Variants in INSC observed in about 807,000 individuals in gnomAD.
INSC encodes INSC spindle orientation adaptor protein, also known as protein inscuteable homolog.
In INSC, 67 loss-of-function variants were observed where a neutral mutation model predicts 58.6. That is an observed-to-expected ratio of 1.14 (90% CI 0.94 to 1.40). INSC has a LOEUF of 1.40. Ranked by LOEUF, INSC falls within the 40% of genes most tolerant of loss-of-function variation. INSC has a pLI of 0.00. For missense variants in INSC, 714 were observed against 692.0 expected, an observed-to-expected ratio of 1.03 and a Z score of -0.36; for synonymous variants, 262 against 276.1, an observed-to-expected ratio of 0.95 and a Z score of 0.51.
intron 7 of INSC, among the ~76,000 whole-genome samples, chr11:15,208,939 A>T (rs1850916649): frequency 6.6e-6 from 1 of 152,056 alleles, no homozygotes. Flanking sequence ...GGGCGGAGTG[A>T]GTGGGGGAGT....
intron 2 of INSC, among the ~76,000 whole-genome samples, chr11:15,158,376 G>C (rs1428460857): frequency 6.6e-6 from 1 of 151,592 alleles, no homozygotes; most frequent in Non-Finnish European, 1.5e-5. Context: ...TTATAGTCTA[G>C]TGAAACTTCT....
chr11:15,186,598 T>C (rs1265687717), intron 5 of INSC, among the ~76,000 whole-genome samples: 1 of 152,174 alleles, frequency 6.6e-6, no homozygotes, highest in African/African-American at 2.4e-5. Context: ...TATTCCCACT[T>C]AGGAGGTATT....
chr11:15,181,207 G>A (rs913669846), intron 5 of INSC, among the ~76,000 whole-genome samples: 12 of 152,140 alleles, frequency 7.9e-5, no homozygotes, highest in South Asian at 2.1e-4. Flanking sequence ...TGTTTTGCTC[G>A]TGCATATATC....
chr11:15,269,568 GAA>G, the INSC span, among the ~76,000 whole-genome samples: 1 of 151,786 alleles, frequency 6.6e-6, no homozygotes, highest in Non-Finnish European at 1.5e-5. Context: ...GACTTACATG[GAA>G]ATTTCTTCAA....
intron 7 of INSC, among the ~76,000 whole-genome samples, chr11:15,219,001 G>A (rs1851332831): frequency 6.6e-6 from 1 of 152,168 alleles, no homozygotes; most frequent in South Asian, 2.1e-4. Flanking sequence ...AACAAGCTGT[G>A]GTCCCCAGGC....
chr11:15,167,187 G>A (rs559762619), intron 2 of INSC, among the ~76,000 whole-genome samples: 2 of 152,106 alleles, frequency 1.3e-5, no homozygotes, highest in Non-Finnish European at 2.9e-5. Flanking sequence ...AGCATTCTGG[G>A]AGAAGTCAGG....
chr11:15,227,207 T>G (rs1045629388), intron 9 of INSC, among the ~76,000 whole-genome samples: 3 of 152,246 alleles, frequency 2.0e-5, no homozygotes, highest in African/African-American at 4.8e-5. Context: ...GACTCTCATC[T>G]GCTGTCATCT....
chr11:15,255,727 A>AGTGTGT, the INSC span, among the ~76,000 whole-genome samples: 13 of 93,414 alleles, frequency 1.4e-4, no homozygotes, highest in East Asian at 3.2e-4. Context: ...TGTATATGTA[A>AGTGTGT]GTGTGTGTAT....
intron 2 of INSC, among the ~76,000 whole-genome samples, chr11:15,173,423 G>A (rs987852241): frequency 6.6e-6 from 1 of 152,096 alleles, no homozygotes; most frequent in African/African-American, 2.4e-5. Context: ...GATTGGAAGG[G>A]GTGGGCAAAT....
At chr11:15,128,413 G>C (rs1848049222) in intron 1 of INSC, among the ~76,000 whole-genome samples, 1 of 152,090 alleles carries the variant, frequency 6.6e-6, no homozygotes, top group Non-Finnish European at 1.5e-5. Context: ...TTATATTTTA[G>C]TTTTTACAAC....
chr11:15,160,889 T>C (rs1465682615), intron 2 of INSC, among the ~76,000 whole-genome samples: 1 of 152,212 alleles, frequency 6.6e-6, no homozygotes, highest in Non-Finnish European at 1.5e-5. Flanking sequence ...GACTGAAATC[T>C]GGCACTGTCA....
intron 1 of INSC, among the ~76,000 whole-genome samples, chr11:15,134,748 T>C (rs560619750): frequency 1.9e-4 from 29 of 152,242 alleles, no homozygotes; most frequent in Non-Finnish European, 3.5e-4. Context: ...TAACATGTTG[T>C]TTATTTCTTG....
intron 2 of INSC, among the ~76,000 whole-genome samples, chr11:15,167,752 G>A (rs563823287): frequency 2.6e-5 from 4 of 152,142 alleles, no homozygotes; most frequent in Admixed American, 2.6e-4. Context: ...CCAAAGTGTT[G>A]GGATTACAGG....
At chr11:15,210,548 G>GTGTGT (rs1850985281) in intron 7 of INSC, among the ~76,000 whole-genome samples, 2 of 100,956 alleles carry the variant, frequency 2.0e-5, no homozygotes, top group African/African-American at 7.6e-5. Flanking sequence ...TGTGTGTGTG[G>GTGTGT]TGGAGTGGGA....
At chr11:15,131,091 A>G (rs7935884) in intron 1 of INSC, among the ~76,000 whole-genome samples, 21,092 of 151,854 alleles carry the variant, frequency 0.14, 1,586 homozygotes, top group South Asian at 0.17. Context: ...TAAGTTTCTT[A>G]AGTTGGAGAT....
At chr11:15,208,827 A>G (rs1333645155) in intron 7 of INSC, among the ~76,000 whole-genome samples, 2 of 152,028 alleles carry the variant, frequency 1.3e-5, no homozygotes, top group South Asian at 2.1e-4. Context: ...GGATAAGAAC[A>G]CCAGTGGCCG....
intron 2 of INSC, 43 bp from the exon 3 acceptor site, chr11:15,175,698 A>G (rs777545313): frequency 1.5e-5 from 21 of 1,446,254 alleles, no homozygotes; most frequent in Non-Finnish European, 2.0e-5. Flanking sequence ...TTTGGAAATC[A>G]TGGGGTGTTG....
chr11:15,241,711 C>A, intron 12 of INSC: 1 of 652,672 alleles, frequency 1.5e-6, no homozygotes, highest in South Asian at 1.7e-5. Flanking sequence ...TCAGAATAAT[C>A]CTTTAAATGC....
chr11:15,131,266 G>A (rs1848119305), intron 1 of INSC, among the ~76,000 whole-genome samples: 1 of 151,590 alleles, frequency 6.6e-6, no homozygotes, highest in Non-Finnish European at 1.5e-5. Context: ...AATTTCTGCT[G>A]TAATTTCTTC....
Sources: gnomAD v4.1 joint callset for allele counts (sites outside exome capture counted in the v4.1 genomes callset) on GRCh38, gnomAD v4.1.1 for gene constraint, MANE v1.5 for transcripts, NCBI Gene and HGNC (gene_info 2026-07-23, HGNC 2026-07-21) for gene names.